The following CNTNAP2 variants were observed in gnomAD, a reference collection of about 807,000 sequenced individuals.
CNTNAP2 encodes the protein contactin-associated protein-like 2.
A neutral mutation model predicts 155.2 loss-of-function variants in CNTNAP2; 98 were observed. The ratio of observed to expected loss-of-function variants is 0.63; its 90% confidence interval spans 0.54 to 0.75. The LOEUF is 0.75. Among genes scored for constraint, CNTNAP2 ranks in the 30% least tolerant of loss-of-function variants. The pLI is 0.00. For synonymous variants in CNTNAP2, 651 were observed against 631.2 expected, an observed-to-expected ratio of 1.03 and a Z score of -0.47; for missense variants, 1,727 against 1,688.1, an observed-to-expected ratio of 1.02 and a Z score of -0.40.
At chr7:148,209,893 C>T (rs1795513871) in intron 18 of CNTNAP2, among the ~76,000 whole-genome samples, 2 of 152,314 alleles carry the variant, frequency 1.3e-5, no homozygotes, top group South Asian at 4.1e-4. Flanking sequence ...TACGTTCATC[C>T]TCGACATTCT....
intron 1 of CNTNAP2, among the ~76,000 whole-genome samples, chr7:146,407,100 C>G (rs990394452): frequency 2.0e-5 from 3 of 152,078 alleles, no homozygotes; most frequent in Non-Finnish European, 4.4e-5. Context: ...GTGAAGAAGG[C>G]TATAGAAAGA....
chr7:148,191,197 A>G (rs775840519), intron 18 of CNTNAP2, among the ~76,000 whole-genome samples: 1 of 152,110 alleles, frequency 6.6e-6, no homozygotes, highest in Non-Finnish European at 1.5e-5. Flanking sequence ...TTAATGCTGT[A>G]ATTGCAGGAG....
At chr7:147,359,067 T>C (rs1228441445) in intron 9 of CNTNAP2, among the ~76,000 whole-genome samples, 1 of 152,174 alleles carries the variant, frequency 6.6e-6, no homozygotes, top group Non-Finnish European at 1.5e-5. Flanking sequence ...ACCTATGCTT[T>C]AGTTATCCCT....
chr7:147,522,718 G>T (rs1406499404), intron 11 of CNTNAP2, among the ~76,000 whole-genome samples: 3 of 150,034 alleles, frequency 2.0e-5, no homozygotes, highest in African/African-American at 7.3e-5. Context: ...TGAGAAACAT[G>T]GATAGCTGAT....
chr7:147,199,433 T>G (rs1802877196), intron 8 of CNTNAP2, among the ~76,000 whole-genome samples: 1 of 152,220 alleles, frequency 6.6e-6, no homozygotes, highest in African/African-American at 2.4e-5. Context: ...ACTTTCATTT[T>G]CAGATAATAT....
At chr7:146,861,655 C>A (rs898569467) in intron 3 of CNTNAP2, among the ~76,000 whole-genome samples, 2 of 152,018 alleles carry the variant, frequency 1.3e-5, no homozygotes, top group Non-Finnish European at 2.9e-5. Context: ...TATAAAAAAT[C>A]AGCATTCAGT....
rs756436388 is a variant in CNTNAP2, at chr7:148,415,667, G to T, written c.*51G>T. The stretch of plus-strand genomic sequence containing the variant: ...GGGAGGAGGGAATTACTAGGGAGGA[G>T]AGAAAGGGACAAAAGCACCCTGCTT... On this transcript the variant is annotated 3_prime_UTR_variant, in exon 24 of 24. Coordinates refer to ENST00000361727, the MANE Select transcript of CNTNAP2 (RefSeq NM_014141.6). 2 of 1,608,016 alleles carry T rather than the reference G, an allele frequency of 1.2e-6. No individual in the cohort carries two copies. The highest frequency in any genetic ancestry group is 1.7e-6 in the Non-Finnish European group (2 of 1,175,662).
chr7:147,236,766 T>A (rs1197810459), intron 8 of CNTNAP2, among the ~76,000 whole-genome samples: 1 of 152,122 alleles, frequency 6.6e-6, no homozygotes, highest in Non-Finnish European at 1.5e-5. Context: ...CTTAGAGTTC[T>A]CCTATCCCCT....
chr7:146,826,848 A>G (rs1465569438), intron 2 of CNTNAP2, among the ~76,000 whole-genome samples: 3 of 142,848 alleles, frequency 2.1e-5, no homozygotes, highest in Admixed American at 6.7e-5. Flanking sequence ...ATATATATAT[A>G]TATATATATA....
chr7:147,088,174 A>G (rs1490054488), intron 4 of CNTNAP2, among the ~76,000 whole-genome samples: 1 of 152,188 alleles, frequency 6.6e-6, no homozygotes, highest in African/African-American at 2.4e-5. Flanking sequence ...TCTAAATTTC[A>G]AGAGGGAATG....
At position 146,541,427 on chromosome 7, in the gene CNTNAP2, A is replaced by T. The variant is rs7458825; in HGVS notation, c.98-232844A>T. On this transcript the variant is annotated intron_variant, in intron 1 of 23. Coordinates refer to ENST00000361727, the MANE Select transcript of CNTNAP2 (RefSeq NM_014141.6). Reference sequence around the variant, plus strand: ...GGACAAAGATCTTTGGAGAAGCTTCATTATATTTTGAAGTCATTAACATGA... The same window carrying T: ...GGACAAAGATCTTTGGAGAAGCTTCTTTATATTTTGAAGTCATTAACATGA... 2.0e-5 allele frequency among the ~76,000 whole-genome samples: 3 copies of T among 152,026 alleles called. No homozygotes were observed. The East Asian group carries it at 5.8e-4, about 29-fold the overall frequency.
chr7:148,343,410 AGTCTGTT>A (rs1160749755), intron 21 of CNTNAP2, among the ~76,000 whole-genome samples: 4 of 152,204 alleles, frequency 2.6e-5, no homozygotes, highest in Non-Finnish European at 5.9e-5. Flanking sequence ...TTCGACGTCC[AGTCTGTT>A]CATCTTCAGT....
chr7:147,764,413 C>G (rs1797353590), intron 13 of CNTNAP2, among the ~76,000 whole-genome samples: 1 of 152,212 alleles, frequency 6.6e-6, no homozygotes, highest in Non-Finnish European at 1.5e-5. Flanking sequence ...TAATTTCACT[C>G]TTGAGGCATT....
chr7:146,982,596 G>T (rs943340443), intron 3 of CNTNAP2, among the ~76,000 whole-genome samples: 3 of 152,158 alleles, frequency 2.0e-5, no homozygotes, highest in Non-Finnish European at 2.9e-5. Context: ...GAAAGATGCT[G>T]TTGTGTGTCA....
intron 15 of CNTNAP2, among the ~76,000 whole-genome samples, chr7:148,078,736 CTCCTGA>C (rs1242288373): frequency 1.3e-5 from 2 of 152,188 alleles, no homozygotes; most frequent in Admixed American, 6.5e-5. Context: ...CAGCCTCGGC[CTCCTGA>C]AGTGCTGGGA....
At chr7:147,160,725 T>C (rs530801397) in intron 8 of CNTNAP2, among the ~76,000 whole-genome samples, 1 of 152,222 alleles carries the variant, frequency 6.6e-6, no homozygotes, top group East Asian at 1.9e-4. Context: ...CTTATTTTTA[T>C]TGTTGTTGAG....
intron 21 of CNTNAP2, among the ~76,000 whole-genome samples, chr7:148,317,122 G>A (rs1016974775): frequency 1.3e-5 from 2 of 152,182 alleles, no homozygotes; most frequent in South Asian, 2.1e-4. Context: ...TTGGGAGGCC[G>A]AGGTGGGCAG....
intron 1 of CNTNAP2, among the ~76,000 whole-genome samples, chr7:146,332,793 C>G (rs1193481671): frequency 6.6e-6 from 1 of 151,958 alleles, no homozygotes; most frequent in Non-Finnish European, 1.5e-5. Context: ...ATCCTAGATT[C>G]TTGTCTGATT....
intron 2 of CNTNAP2, among the ~76,000 whole-genome samples, chr7:146,793,240 C>G (rs1802706066): frequency 6.6e-6 from 1 of 152,086 alleles, no homozygotes; most frequent in South Asian, 2.1e-4. Context: ...CTCACATAGC[C>G]AAATTGCTCC....
Sources: allele counts gnomAD v4.1 joint callset (sites outside exome capture counted in the v4.1 genomes callset), GRCh38; gene constraint gnomAD v4.1.1; transcripts MANE v1.5; gene names NCBI Gene and HGNC (gene_info 2026-07-23, HGNC 2026-07-21).